Variants in ATP2B3 observed in about 807,000 individuals in gnomAD.
The protein encoded by ATP2B3 is plasma membrane calcium-transporting ATPase 3.
In ATP2B3, 12 loss-of-function variants were observed where a neutral mutation model predicts 70.8. The ratio of observed to expected loss-of-function variants is 0.17; its 90% CI spans 0.11 to 0.27. The LOEUF is 0.27. ATP2B3 is among the 10% of genes least tolerant of loss of function. The pLI is 1.00. For synonymous variants in ATP2B3, 460 were observed against 497.8 expected (o/e 0.92, Z 1.01); for missense variants, 858 against 1,118.5 (o/e 0.77, Z 3.32).
At chrX:153,574,193 T>A (rs2090826747) in intron 21 of ATP2B3, among the ~76,000 whole-genome samples, 1 of 112,579 alleles carries the variant, frequency 8.9e-6, no homozygotes, top group Non-Finnish European at 1.9e-5. Flanking sequence ...TGCCACAGGC[T>A]CTTGAGGACA....
rs781926353 is a variant in ATP2B3, at chrX:153,549,902, T to C, written c.1582-143T>C. On this transcript the variant is annotated intron_variant, in intron 11 of 21. Coordinates refer to ENST00000263519, the MANE Select transcript of ATP2B3 (RefSeq NM_001001344.3). ...GTGGCTCTGGCTGGGAAACTGCCTG[T>C]AGCTAAGGCCGACCTTCCTCTGCTC... The C allele has an allele frequency of 7.7e-5, 83 of 1,078,609 alleles. No homozygotes were observed. In the East Asian group the frequency reaches 1.1e-3, roughly 14 times the overall value. 88.9% of individuals were successfully genotyped at this position (1,078,609 alleles called of 1,213,427 possible).
intron 12 of ATP2B3, among the ~76,000 whole-genome samples, 156 bp from the exon 13 acceptor site, chrX:153,552,879 C>T (rs957060629): frequency 3.6e-5 from 4 of 112,128 alleles, no homozygotes; most frequent in South Asian, 3.7e-4. Context: ...CCTGTTGTCA[C>T]ACGCCCTTCT....
At position 153,560,821 on chromosome X, in the gene ATP2B3, C is replaced by A; in HGVS notation, c.2985C>A (p.Asn995Lys). 1 of 1,212,053 alleles carries A rather than the reference C, an allele frequency of 8.3e-7. No homozygotes were observed. Among genetic ancestry groups the A allele is most frequent in the Non-Finnish European group, 1.1e-6 (1 of 895,583 alleles). Residue 995 changes from asparagine (N) to lysine (K), a missense_variant, in exon 19 of 22, where the codon AAC becomes AAA. Transcript: ENST00000263519. ...CCCGCAAGATCCACGGCGAGAGGAACGTGTTCGACGGCATCTTCAGCAACC... is the reference window on the plus strand; with the variant it reads ...CCCGCAAGATCCACGGCGAGAGGAAAGTGTTCGACGGCATCTTCAGCAACC... ...INARKIHGERNVFDGIFSNPI... is the reference protein window; with the variant it reads ...INARKIHGERKVFDGIFSNPI...
chrX:153,553,462 C>T (rs1458383823), intron 13 of ATP2B3, among the ~76,000 whole-genome samples, 193 bp downstream of exon 13: 3 of 112,006 alleles, frequency 2.7e-5, no homozygotes, highest in African/African-American at 6.5e-5. Context: ...AAGCCCTTCC[C>T]GCTTGACCTA....
At chrX:153,537,974 G>C (rs1487735355) in intron 3 of ATP2B3, among the ~76,000 whole-genome samples, 2 of 112,718 alleles carry the variant, frequency 1.8e-5, no homozygotes, top group Admixed American at 9.3e-5. Context: ...GGCCTCTGAC[G>C]GGCTTCCAAG....
At chrX:153,578,694 C>T (rs782370846) in intron 21 of ATP2B3, among the ~76,000 whole-genome samples, 2 of 112,403 alleles carry the variant, frequency 1.8e-5, no homozygotes, top group African/African-American at 3.2e-5. Context: ...CTCTTTCATG[C>T]GGGAAGTTCC....
chrX:153,525,747 T>C, intron 2 of ATP2B3, among the ~76,000 whole-genome samples: 1 of 112,421 alleles, frequency 8.9e-6, no homozygotes, highest in Non-Finnish European at 1.9e-5. Context: ...GTAGGGCACG[T>C]CTCCCACCTA....
Position 153,547,891 on chromosome X carries a change from G to A in ATP2B3, c.1015G>A (p.Gly339Ser). ...MEMQPLKSAE[G>S]GEMEEREKKK... ...GATGCAGCCCCTGAAGAGCGCGGAGGGTGGGGAGATGGAGGAGCGGGAGAA... is the reference window on the plus strand; with the variant it reads ...GATGCAGCCCCTGAAGAGCGCGGAGAGTGGGGAGATGGAGGAGCGGGAGAA... The change falls in exon 9 of 22, where the codon GGT becomes AGT. Residue 339 changes from glycine (G) to serine (S), a missense_variant. By Grantham distance (56) the Gly-to-Ser change is moderately conservative. Transcript: ENST00000263519. The A allele has an allele frequency of 8.3e-7, 1 of 1,211,116 alleles. No homozygotes were observed. Among genetic ancestry groups the A allele is most frequent in the South Asian group, 1.8e-5 (1 of 56,822 alleles).
intron 2 of ATP2B3, chrX:153,533,159 C>G (rs1459108018): frequency 9.0e-6 from 1 of 111,584 alleles, no homozygotes; most frequent in Non-Finnish European, 1.9e-5. Flanking sequence ...ACTGACCACG[C>G]GGTAGACTTC....
chrX:153,578,320 G>A (rs1173219923), intron 21 of ATP2B3, among the ~76,000 whole-genome samples: 1 of 112,656 alleles, frequency 8.9e-6, no homozygotes, highest in Non-Finnish European at 1.9e-5. Flanking sequence ...ACAGGTGTTG[G>A]ATGAACCCCA....
At position 153,553,085 on chromosome X, in the gene ATP2B3, G is replaced by T. The variant is rs199524794; in HGVS notation, c.1874G>T (p.Arg625Leu). ...SNGELRGFRP[R>L]DRDDMVRKII... is the part of the protein sequence containing the mutation. ...GGCGAACTCCGGGGCTTTCGGCCTC[G>T]GGACCGGGACGACATGGTGAGGAAG... is the stretch of plus-strand genomic sequence containing the variant. Residue 625 changes from arginine to leucine, a missense_variant, in exon 13 of 22, where the codon CGG becomes CTG. By Grantham distance (102) the Arg-to-Leu change is moderately radical. Transcript: ENST00000263519. 8.3e-7 allele frequency: 1 copy of T among 1,208,290 alleles called. No individual in the cohort carries two copies. The highest frequency in any genetic ancestry group is 3.0e-5 in the East Asian group (1 of 33,710).
In ATP2B3 at chrX:153,520,830, T is replaced by C. The variant is rs111574161; in HGVS notation, c.-127+2279T>C. Among the ~76,000 whole-genome samples, 338 of 112,531 alleles carry C rather than the reference T, an allele frequency of 3.0e-3. 1 individual carries two copies. The highest frequency in any genetic ancestry group is 0.01 in the African/African-American group (314 of 30,985). ...TAGAGTGTGGTTCGTGTGAACTCAC[T>C]GTCTCGGGTACTCCCAGCCTTGTGG... On this transcript the variant is annotated intron_variant, in intron 2 of 21. Transcript: ENST00000263519.
chrX:153,518,967 C>T (rs2089917360), intron 2 of ATP2B3, among the ~76,000 whole-genome samples: 1 of 111,565 alleles, frequency 9.0e-6, no homozygotes, highest in Admixed American at 9.4e-5. Flanking sequence ...GCACCCTAAA[C>T]GTCAGCCGAC....
intron 2 of ATP2B3, among the ~76,000 whole-genome samples, chrX:153,530,110 T>C (rs1233505347): frequency 3.5e-5 from 4 of 112,856 alleles, no homozygotes; most frequent in Middle Eastern, 4.6e-3. Flanking sequence ...ATGGGAATTC[T>C]ACTGCTTTCC....
At chrX:153,556,699 C>T (rs1160826292) in intron 15 of ATP2B3, among the ~76,000 whole-genome samples, 1 of 112,523 alleles carries the variant, frequency 8.9e-6, no homozygotes, top group Non-Finnish European at 1.9e-5. Flanking sequence ...GATCCCTATC[C>T]TCCCACCCTG....
At chrX:153,535,840 T>C (rs1557003631) in intron 2 of ATP2B3, among the ~76,000 whole-genome samples, 1 of 112,080 alleles carries the variant, frequency 8.9e-6, no homozygotes, top group Non-Finnish European at 1.9e-5. Flanking sequence ...TAGCTAGTGT[T>C]AACCACTGCA....
intron 2 of ATP2B3, among the ~76,000 whole-genome samples, chrX:153,523,531 T>A (rs1343266620): frequency 9.0e-6 from 1 of 111,588 alleles, no homozygotes; most frequent in Non-Finnish European, 1.9e-5. Context: ...ACTGCAACCT[T>A]GCCAGCATTA....
intron 19 of ATP2B3, 117 bp downstream of exon 19, chrX:153,561,004 G>A: frequency 1.2e-6 from 1 of 857,453 alleles, no homozygotes. Context: ...CCCAGAAGGA[G>A]CCCCACCCCA....
In ATP2B3 at chrX:153,568,786, C is replaced by T. The variant is rs143106121; in HGVS notation, c.3342+3683C>T. ...CGAAGCCCTGGCCCGTTTCAAGACA[C>T]CCAGGTGAACCTGGTGGCCACCACA... is the stretch of plus-strand genomic sequence containing the variant. On this transcript the variant is annotated intron_variant, in intron 21 of 21. Transcript: ENST00000263519. 2.2e-3 allele frequency among the ~76,000 whole-genome samples: 243 copies of T among 112,876 alleles called. 3 individuals carry two copies. The East Asian group carries it at 0.06, about 28-fold the overall frequency.
Sources: allele counts gnomAD v4.1 joint callset (sites outside exome capture counted in the v4.1 genomes callset), GRCh38; gene constraint gnomAD v4.1.1; transcripts MANE v1.5; gene names NCBI Gene and HGNC (gene_info 2026-07-23, HGNC 2026-07-21).